BLTP1: variants seen among roughly 807,000 people sequenced by gnomAD.
BLTP1 encodes bridge-like lipid transfer protein family member 1, also known as fragile site-associated protein.
At chr4:122,238,074 C>A in the BLTP1 span, 1 of 1,610,444 alleles carries the variant, frequency 6.2e-7, no homozygotes, top group Non-Finnish European at 8.5e-7. Context: ...TCACTTAACC[C>A]ACCTTTTGTT....
chr4:122,209,759 C>T, the BLTP1 span: 1 of 1,577,092 alleles, frequency 6.3e-7, no homozygotes, highest in South Asian at 1.2e-5. Context: ...CAACTGGTAT[C>T]TCTGTACAAT....
chr4:122,255,212 T>A, the BLTP1 span: 3 of 1,613,152 alleles, frequency 1.9e-6, no homozygotes, highest in African/African-American at 1.3e-5. Context: ...AAATCCTTCA[T>A]GTTTACTATG....
chr4:122,233,358 G>T, the BLTP1 span, among the ~76,000 whole-genome samples: 2 of 152,192 alleles, frequency 1.3e-5, no homozygotes, highest in Non-Finnish European at 2.9e-5. Flanking sequence ...TCATTTTGCA[G>T]ATGAGGAAAC....
chr4:122,214,463 AT>A, the BLTP1 span: 1 of 951,538 alleles, frequency 1.1e-6, no homozygotes, highest in East Asian at 1.2e-4. Flanking sequence ...GCCATCTATT[AT>A]AAAATGAAAT....
chr4:122,337,172 A>G, the BLTP1 span: 1 of 655,522 alleles, frequency 1.5e-6, no homozygotes, highest in Non-Finnish European at 2.6e-6. Flanking sequence ...GGTTGCCAGA[A>G]TATGTGTGAA....
the BLTP1 span, chr4:122,220,424 A>G: frequency 1.2e-6 from 2 of 1,612,230 alleles, no homozygotes; most frequent in African/African-American, 2.7e-5. Context: ...ACCATGCTGC[A>G]ACTTATCCTG....
chr4:122,202,482 C>A, the BLTP1 span: 1 of 544,628 alleles, frequency 1.8e-6, no homozygotes, highest in Non-Finnish European at 2.3e-6. Flanking sequence ...CAGGGTCACA[C>A]TTGGTTGAGC....
At chr4:122,251,510 G>A in the BLTP1 span, 1 of 960,700 alleles carries the variant, frequency 1.0e-6, no homozygotes. Context: ...TGGTGTCTTT[G>A]GAAATGTTTA....
At chr4:122,353,795 T>C in the BLTP1 span, 1 of 1,598,684 alleles carries the variant, frequency 6.3e-7, no homozygotes, top group Non-Finnish European at 8.6e-7. The surrounding 1 kb of genome is among the most constrained non-coding windows in gnomAD (Gnocchi z 4.3). Flanking sequence ...TTTAAAAAAG[T>C]ATTTTTATTT....
chr4:122,184,803 C>T, the BLTP1 span: 407 of 985,258 alleles, frequency 4.1e-4, 3 homozygotes, highest in African/African-American at 5.5e-3. Flanking sequence ...ATTTCATACT[C>T]TCTCAGAATA....
At chr4:122,200,540 C>T in the BLTP1 span, 5 of 961,872 alleles carry the variant, frequency 5.2e-6, no homozygotes, top group South Asian at 2.4e-4. Context: ...AGATGTGTCA[C>T]TGCACTCCAG....
the BLTP1 span, among the ~76,000 whole-genome samples, chr4:122,269,987 C>T: frequency 5.2e-3 from 785 of 152,098 alleles, 10 homozygotes; most frequent in African/African-American, 0.017. Context: ...TTTCTTACTA[C>T]CCTTACATGT....
At chr4:122,287,438 C>T in the BLTP1 span, 15 of 211,376 alleles carry the variant, frequency 7.1e-5, no homozygotes, top group Admixed American at 5.2e-4. Flanking sequence ...AAACTTGAAG[C>T]GGAGAAGTAA....
the BLTP1 span, chr4:122,219,407 C>T: frequency 6.2e-7 from 1 of 1,614,080 alleles, no homozygotes; most frequent in Non-Finnish European, 8.5e-7. Context: ...CCTGTTTTGT[C>T]ACTGTCAACA....
the BLTP1 span, chr4:122,229,645 G>A: frequency 1.2e-6 from 1 of 847,448 alleles, no homozygotes; most frequent in Non-Finnish European, 1.4e-6. Context: ...GCCTTGTTAA[G>A]TTTCTACTAT....
At chr4:122,243,767 G>A in the BLTP1 span, 23 of 1,352,440 alleles carry the variant, frequency 1.7e-5, no homozygotes, top group South Asian at 4.1e-4. Context: ...TAGTTGTAAT[G>A]AATGCATGTG....
the BLTP1 span, chr4:122,169,668 T>C: frequency 2.1e-6 from 2 of 965,708 alleles, no homozygotes; most frequent in Non-Finnish European, 2.5e-6. Flanking sequence ...TGTGTGCATA[T>C]ATACATATAC....
the BLTP1 span, among the ~76,000 whole-genome samples, chr4:122,180,512 A>G: frequency 6.6e-6 from 1 of 152,068 alleles, no homozygotes. Flanking sequence ...CCTCACAACA[A>G]CTCTAGTGAT....
the BLTP1 span, chr4:122,209,845 C>CCCAA: frequency 6.2e-7 from 1 of 1,613,490 alleles, no homozygotes; most frequent in Non-Finnish European, 8.5e-7. Flanking sequence ...GCTGGACTGT[C>CCCAA]CCAAGTGTCA....
Sources: allele counts gnomAD v4.1 joint callset (sites outside exome capture counted in the v4.1 genomes callset), GRCh38; gene constraint gnomAD v4.1.1; non-coding constraint Gnocchi (gnomAD v3.1); transcripts MANE v1.5; gene names NCBI Gene and HGNC (gene_info 2026-07-23, HGNC 2026-07-21).